Variants in BRSK2 observed in about 807,000 individuals in gnomAD.
BRSK2 encodes serine/threonine-protein kinase BRSK2.
BRSK2 carries 19 observed loss-of-function variants against 83.3 expected under a neutral mutation model. The observed-to-expected ratio is 0.23, with a 90% CI of 0.16 to 0.33. The LOEUF (loss-of-function observed/expected upper bound fraction) is 0.33. Among genes scored for constraint, BRSK2 ranks in the 10% least tolerant of loss-of-function variants. BRSK2 has a pLI of 1.00. For missense variants in BRSK2, 798 were observed against 1,042.3 expected (o/e 0.77, Z 3.23); for synonymous variants, 519 against 435.4 (o/e 1.19, Z -2.39).
chr11:1,454,182 C>T lies in BRSK2; in HGVS notation c.1545-303C>T, dbSNP rs1267617634. The T allele has an allele frequency of 1.1e-5, 3 of 276,664 alleles. No homozygotes were observed. Among genetic ancestry groups the T allele is most frequent in the Non-Finnish European group, 2.1e-5 (3 of 141,600 alleles). 17.1% of individuals were successfully genotyped at this position (276,664 alleles called of 1,614,324 possible). A position where few individuals can be genotyped will look rare whatever the true frequency, so the allele number is the denominator to read the frequency against. On this transcript the variant is annotated intron_variant, in intron 15 of 19. Transcript: ENST00000528841. This position sits in a 1 kb window ranked among gnomAD's most constrained non-coding sequence, Gnocchi z 5.2. ...AGGGGGGGCTCACCTGTGGGGGGCT[C>T]ACCTGTGGAGGGGCATCCCCAGACT... is the stretch of plus-strand genomic sequence containing the variant.
intron 1 of BRSK2, among the ~76,000 whole-genome samples, chr11:1,395,883 C>T (rs1846050440): frequency 6.6e-6 from 1 of 152,222 alleles, no homozygotes; most frequent in African/African-American, 2.4e-5. Context: ...GCTCCACCAT[C>T]TGCCCGAGCA....
intron 2 of BRSK2, among the ~76,000 whole-genome samples, chr11:1,437,606 C>T (rs1018837781): frequency 1.8e-4 from 27 of 152,202 alleles, no homozygotes; most frequent in African/African-American, 5.8e-4. Context: ...ATGGGGGGCA[C>T]GTGCCCTGCC....
intron 6 of BRSK2, 73 bp downstream of exon 6, chr11:1,443,212 C>G: frequency 6.6e-7 from 1 of 1,519,020 alleles, no homozygotes; most frequent in Non-Finnish European, 8.8e-7. Flanking sequence ...GGGACCCCAG[C>G]CTGCCGCACC....
rs762994850 is a variant in BRSK2 at position 1,451,385 on chromosome 11, G to A, written c.1510G>A (p.Glu504Lys). The part of the protein sequence containing the change: ...RRKLQVPTPE[E>K]MSNLTPESSP... ...TGTGTGCACAGTTCCGACGCCGGAG[G>A]AGATGTCCAACCTGACACCAGAGTC... The change falls in exon 15 of 20, where the codon GAG (glutamate) becomes AAG (lysine). Residue 504 changes from glutamate to lysine, a missense_variant. Glu to Lys is a moderately conservative substitution (Grantham distance 56). This residue lies in a region of BRSK2 where 455 missense variants were observed against 455.2 expected (regional missense o/e 1.00). Transcript: ENST00000528841. 1.9e-6 allele frequency: 3 copies of A among 1,612,974 alleles called. No homozygotes were observed. Among genetic ancestry groups the A allele is most frequent in the South Asian group, 1.1e-5 (1 of 91,086 alleles).
At chr11:1,446,292 G>A (rs1852106569) in intron 12 of BRSK2, among the ~76,000 whole-genome samples, 1 of 149,848 alleles carries the variant, frequency 6.7e-6, no homozygotes, top group African/African-American at 2.5e-5. Context: ...GCTGGGCTGA[G>A]CTGGGCTGAG....
Position 1,436,021 on chromosome 11 carries a change from G to C in BRSK2, c.92-19G>C. 1 of 1,595,950 alleles carries C rather than the reference G, an allele frequency of 6.3e-7. No homozygotes were observed. Among genetic ancestry groups the C allele is most frequent in the Non-Finnish European group, 8.5e-7 (1 of 1,170,096 alleles). ...AGGCACCCTGGGTGGGTCTGAGCGCGGCTGCTTCTCTCCCGCAGGTCTGGT... is the reference window on the plus strand; with the variant it reads ...AGGCACCCTGGGTGGGTCTGAGCGCCGCTGCTTCTCTCCCGCAGGTCTGGT... On this transcript the variant is annotated intron_variant, in intron 1 of 19. Coordinates refer to ENST00000528841, the MANE Select transcript of BRSK2 (RefSeq NM_001256627.2).
intron 1 of BRSK2, chr11:1,410,895 T>G: frequency 2.0e-6 from 2 of 985,896 alleles, no homozygotes; most frequent in Non-Finnish European, 2.4e-6. Flanking sequence ...CGACGGCCCT[T>G]TTGTGCAGAA....
chr11:1,451,486 C>T, intron 15 of BRSK2, 67 bp downstream of exon 15: 1 of 1,544,906 alleles, frequency 6.5e-7, no homozygotes. Flanking sequence ...GGGCATGGAA[C>T]CCTTCCCCTA....
intron 1 of BRSK2, among the ~76,000 whole-genome samples, chr11:1,433,075 G>C (rs1191376323): frequency 1.4e-5 from 1 of 72,942 alleles, no homozygotes; most frequent in Non-Finnish European, 2.9e-5. Flanking sequence ...GTGCTCAGCA[G>C]TGAGCCTCTT....
At chr11:1,427,541 G>T (rs1047053382) in intron 1 of BRSK2, among the ~76,000 whole-genome samples, 2 of 152,156 alleles carry the variant, frequency 1.3e-5, no homozygotes, top group African/African-American at 4.8e-5. Context: ...CCTTCCCTGT[G>T]GGGGGCGCAG....
At chr11:1,429,163 C>T (rs371924199) in intron 1 of BRSK2, among the ~76,000 whole-genome samples, 391 of 130,632 alleles carry the variant, frequency 3.0e-3, no homozygotes, top group Non-Finnish European at 5.0e-3. Flanking sequence ...TGTGTGTGCA[C>T]GGGTGTGTGT....
chr11:1,426,726 A>G (rs899386378), intron 1 of BRSK2, among the ~76,000 whole-genome samples: 5 of 152,126 alleles, frequency 3.3e-5, no homozygotes, highest in African/African-American at 1.2e-4. Context: ...TGGGGGCAAC[A>G]GATGGGCCAG....
At chr11:1,396,023 G>A (rs1033484087) in intron 1 of BRSK2, among the ~76,000 whole-genome samples, 3 of 152,192 alleles carry the variant, frequency 2.0e-5, no homozygotes, top group Admixed American at 6.5e-5. Context: ...ATCAAGGGCC[G>A]TGGCTCCTGC....
intron 1 of BRSK2, among the ~76,000 whole-genome samples, chr11:1,420,466 C>T (rs1848541504): frequency 6.6e-6 from 1 of 152,228 alleles, no homozygotes; most frequent in South Asian, 2.1e-4. Flanking sequence ...CCTGCCTTCT[C>T]TGCCTGCCTG....
chr11:1,414,566 T>C (rs1463152501), intron 1 of BRSK2, among the ~76,000 whole-genome samples: 1 of 152,246 alleles, frequency 6.6e-6, no homozygotes, highest in Non-Finnish European at 1.5e-5. Context: ...ATCACTGACA[T>C]TGTTTAGTGT....
intron 1 of BRSK2, among the ~76,000 whole-genome samples, chr11:1,425,075 G>C (rs934554168): frequency 6.6e-6 from 1 of 152,242 alleles, no homozygotes; most frequent in African/African-American, 2.4e-5. Context: ...CTCGGACCCT[G>C]GTCCTGAGTG....
At chr11:1,411,007 A>C in intron 1 of BRSK2, 3 of 993,316 alleles carry the variant, frequency 3.0e-6, no homozygotes, top group East Asian at 9.0e-5. Context: ...GGCGGAGAGA[A>C]CAGCCGTGCG....
At chr11:1,419,876 G>A (rs1848478453) in intron 1 of BRSK2, among the ~76,000 whole-genome samples, 1 of 152,236 alleles carries the variant, frequency 6.6e-6, no homozygotes, top group Non-Finnish European at 1.5e-5. Context: ...TGGCGCCCCT[G>A]CACTCCAGCC....
Position 1,454,240 on chromosome 11 carries a change from G to T in BRSK2, c.1545-245G>T. The T allele has an allele frequency of 2.3e-6, 1 of 429,162 alleles. No homozygotes were observed. The highest frequency in any genetic ancestry group is 2.0e-5 in the African/African-American group (1 of 49,800). 26.6% of individuals were successfully genotyped at this position (429,162 alleles called of 1,614,324 possible). A position where few individuals can be genotyped will look rare whatever the true frequency, so the allele number is the denominator to read the frequency against. ...GGGTGGCATATGGGCCAGGGTCAGGGCGTTAGGGCTTGGAGAAAGGTTAGG... is the reference window on the plus strand; with the variant it reads ...GGGTGGCATATGGGCCAGGGTCAGGTCGTTAGGGCTTGGAGAAAGGTTAGG... On this transcript the variant is annotated intron_variant, in intron 15 of 19. Transcript: ENST00000528841. The surrounding 1 kb of genome is among the most constrained non-coding windows in gnomAD (Gnocchi z 5.2).
Sources: allele counts gnomAD v4.1 joint callset (sites outside exome capture counted in the v4.1 genomes callset), GRCh38; gene constraint gnomAD v4.1.1; regional missense constraint gnomAD v4.1.1; non-coding constraint Gnocchi (gnomAD v3.1); transcripts MANE v1.5; gene names NCBI Gene and HGNC (gene_info 2026-07-23, HGNC 2026-07-21).